RP1: variants seen among roughly 807,000 people sequenced by gnomAD.
The protein encoded by RP1 is RP1 axonemal microtubule associated.
RP1 carries 16 observed loss-of-function variants against 14.8 expected under a neutral mutation model. The observed-to-expected ratio is 1.08, with a 90% CI of 0.73 to 1.65. The LOEUF is 1.65. Among genes scored for constraint, RP1 ranks in the 40% most tolerant of loss-of-function variants. The pLI is 0.00. For missense variants in RP1, 2,631 were observed against 2,535.0 expected (o/e 1.04, Z -0.81); for synonymous variants, 876 against 883.6 (o/e 0.99, Z 0.15).
At chr8:54,596,536 G>A (rs1585536570) in intron 1 of RP1, among the ~76,000 whole-genome samples, 1 of 152,072 alleles carries the variant, frequency 6.6e-6, no homozygotes, top group East Asian at 1.9e-4. Flanking sequence ...AGATGTCTAT[G>A]ACCTCAAATC....
At chr8:54,838,479 G>A (rs1563391923) in intron 25 of RP1, among the ~76,000 whole-genome samples, 2 of 152,124 alleles carry the variant, frequency 1.3e-5, no homozygotes, top group Non-Finnish European at 2.9e-5. Flanking sequence ...GTGTGTATGC[G>A]AGTGTTTGAG....
exon 5 of RP1, chr8:54,652,838 G>A: frequency 6.5e-7 from 1 of 1,535,788 alleles, no homozygotes; most frequent in Non-Finnish European, 8.7e-7. Flanking sequence ...ACCAACTCTG[G>A]ATCCTCCCCT....
intron 19 of RP1, among the ~76,000 whole-genome samples, chr8:54,747,176 A>T (rs6986494): frequency 0.038 from 5,707 of 151,022 alleles, 239 homozygotes; most frequent in African/African-American, 0.095. Context: ...CTTCTTTTTC[A>T]CCCCCCTCAG....
intron 5 of RP1, among the ~76,000 whole-genome samples, chr8:54,654,977 A>G (rs1034192597): frequency 6.6e-6 from 1 of 152,212 alleles, no homozygotes; most frequent in Non-Finnish European, 1.5e-5. Context: ...GGGTGATTTT[A>G]AAATCATTGA....
intron 1 of RP1, chr8:54,561,602 A>C (rs964962822): frequency 2.6e-5 from 4 of 152,208 alleles, no homozygotes; most frequent in Non-Finnish European, 5.9e-5. Context: ...AGAGAAAGTG[A>C]ACATCACAGA....
intron 24 of RP1, among the ~76,000 whole-genome samples, chr8:54,826,669 G>A (rs1027642551): frequency 6.6e-6 from 1 of 152,136 alleles, no homozygotes; most frequent in Non-Finnish European, 1.5e-5. Flanking sequence ...AACTTGAAGA[G>A]AATTGCCAAG....
intron 17 of RP1, among the ~76,000 whole-genome samples, chr8:54,728,696 T>C (rs1195813223): frequency 6.6e-6 from 1 of 152,320 alleles, no homozygotes; most frequent in Admixed American, 6.5e-5. Context: ...AGTAGAGATA[T>C]AGTGTCATTA....
At position 54,830,134 on chromosome 8, in the gene RP1, C is replaced by A. The variant is rs572867978; in HGVS notation, c.3616-7316C>A. On this transcript the variant is annotated intron_variant, in intron 24 of 28. Transcript: ENST00000637698. The stretch of plus-strand genomic sequence containing the variant: ...AATTATTGAGAGAAGATGTTAAAAT[C>A]GCCAAATATGATTGCGTATTAGTCT... Among the ~76,000 whole-genome samples the A allele has an allele frequency of 6.2e-4, 95 of 152,178 alleles. 3 individuals are homozygous for A. The South Asian group carries it at 0.018, about 28-fold the overall frequency.
intron 25 of RP1, among the ~76,000 whole-genome samples, chr8:54,840,434 G>A (rs1030351826): frequency 2.0e-5 from 3 of 151,838 alleles, no homozygotes; most frequent in South Asian, 4.2e-4. Flanking sequence ...TGCATTTTTA[G>A]TAGAGATAGG....
intron 1 of RP1, among the ~76,000 whole-genome samples, chr8:54,570,438 C>A (rs1804495926): frequency 6.6e-6 from 1 of 151,628 alleles, no homozygotes; most frequent in Non-Finnish European, 1.5e-5. Context: ...TAGTGATTCA[C>A]CAGCCTCAGC....
intron 17 of RP1, among the ~76,000 whole-genome samples, chr8:54,730,479 A>T (rs971889310): frequency 1.3e-5 from 2 of 152,144 alleles, no homozygotes; most frequent in African/African-American, 4.8e-5. Context: ...AACAGTTTAG[A>T]ATAATGGTAT....
chr8:54,661,521 A>C (rs1448205315), intron 6 of RP1, among the ~76,000 whole-genome samples: 1 of 151,870 alleles, frequency 6.6e-6, no homozygotes, highest in Non-Finnish European at 1.5e-5. Flanking sequence ...AAGGATTGTC[A>C]AGTTTACAAT....
At chr8:54,804,049 C>T (rs955392754) in intron 24 of RP1, among the ~76,000 whole-genome samples, 1 of 151,194 alleles carries the variant, frequency 6.6e-6, no homozygotes, top group Non-Finnish European at 1.5e-5. Context: ...GCCTGGGCAA[C>T]AGAGTGAGAC....
chr8:54,811,026 G>A (rs1168786879), intron 24 of RP1, among the ~76,000 whole-genome samples: 1 of 152,176 alleles, frequency 6.6e-6, no homozygotes, highest in Non-Finnish European at 1.5e-5. Context: ...TTAAGAGATA[G>A]CAGAATAAAC....
intron 1 of RP1, among the ~76,000 whole-genome samples, chr8:54,611,073 C>G (rs759165563): frequency 3.9e-5 from 6 of 152,116 alleles, no homozygotes; most frequent in Admixed American, 6.6e-5. Context: ...TGCCTTCTGG[C>G]CTCCAAGGTT....
intron 21 of RP1, among the ~76,000 whole-genome samples, chr8:54,758,367 G>A (rs914814310): frequency 4.0e-5 from 6 of 150,358 alleles, no homozygotes; most frequent in East Asian, 2.0e-4. Flanking sequence ...AAGAGTCCAG[G>A]CTACTCTTTT....
intron 1 of RP1, among the ~76,000 whole-genome samples, chr8:54,564,349 G>T (rs1184548486): frequency 6.6e-6 from 1 of 152,212 alleles, no homozygotes; most frequent in Admixed American, 6.5e-5. Context: ...CAGGGCTTGG[G>T]CTGGAAACCT....
chr8:54,857,800 C>T (rs915375066), intron 27 of RP1, among the ~76,000 whole-genome samples: 1 of 152,160 alleles, frequency 6.6e-6, no homozygotes, highest in Non-Finnish European at 1.5e-5. Context: ...ACCTTTCCCT[C>T]CATGTCTTCT....
exon 29 of RP1, chr8:54,869,972 A>G (rs893273269): frequency 1.2e-5 from 12 of 1,012,164 alleles, no homozygotes; most frequent in African/African-American, 3.3e-5. Flanking sequence ...TCGCTCCAAT[A>G]TGCTTCAAAA....
Sources: gnomAD v4.1 joint callset for allele counts (sites outside exome capture counted in the v4.1 genomes callset) on GRCh38, gnomAD v4.1.1 for gene constraint, MANE v1.5 for transcripts, NCBI Gene and HGNC (gene_info 2026-07-23, HGNC 2026-07-21) for gene names.